ALDH5A1: variants seen among roughly 807,000 people sequenced by gnomAD.
ALDH5A1 encodes succinate-semialdehyde dehydrogenase, mitochondrial.
In ALDH5A1, 33 loss-of-function variants were observed where a neutral mutation model predicts 54.7. The ratio of observed to expected loss-of-function variants is 0.60; its 90% CI spans 0.46 to 0.81. ALDH5A1 has a LOEUF of 0.81. Among genes scored for constraint, ALDH5A1 ranks in the 30% least tolerant of loss-of-function variants. The probability of loss-of-function intolerance (pLI) is 0.00; values close to 1 mark genes in which losing one functional copy is unlikely to be tolerated. For missense variants in ALDH5A1, 657 were observed against 711.0 expected (o/e 0.92, Z 0.86); for synonymous variants, 294 against 292.7 (o/e 1.00, Z -0.05).
intron 7 of ALDH5A1, among the ~76,000 whole-genome samples, chr6:24,525,216 G>A (rs1379084552): frequency 7.9e-5 from 12 of 152,126 alleles, no homozygotes; most frequent in Admixed American, 7.9e-4. Flanking sequence ...GAGGAAGGGG[G>A]TATTTTTGTT....
intron 1 of ALDH5A1, among the ~76,000 whole-genome samples, chr6:24,495,781 GC>G (rs1764691109): frequency 6.6e-6 from 1 of 152,198 alleles, no homozygotes; most frequent in Admixed American, 6.5e-5. Context: ...TGCTTCAGCG[GC>G]CCTTGAGAAG....
chr6:24,501,040 C>A lies in ALDH5A1; in HGVS notation c.355-1483C>A, dbSNP rs1764809524. On this transcript the variant is annotated intron_variant, in intron 1 of 9. Transcript: ENST00000357578. ...TGCTGTGATACCTTAAGCACTAAGG[C>A]AGAGCTAGTAATGCTTTTTTAGTTT... 2.6e-5 allele frequency among the ~76,000 whole-genome samples: 4 copies of A among 152,160 alleles called. 1 individual carries two copies. The highest frequency in any genetic ancestry group is 5.9e-5 in the Non-Finnish European group (4 of 68,034).
At chr6:24,514,833 C>T (rs753623130) in intron 4 of ALDH5A1, among the ~76,000 whole-genome samples, 2 of 151,908 alleles carry the variant, frequency 1.3e-5, no homozygotes, top group African/African-American at 2.4e-5. Context: ...AGTGCAGTGG[C>T]GCAACCTTGG....
At chr6:24,508,499 A>G (rs1581811229) in intron 4 of ALDH5A1, among the ~76,000 whole-genome samples, 1 of 152,048 alleles carries the variant, frequency 6.6e-6, no homozygotes, top group East Asian at 1.9e-4. Flanking sequence ...CACATAGGAT[A>G]CAGTTTATCC....
At chr6:24,511,197 C>T (rs1380639567) in intron 4 of ALDH5A1, among the ~76,000 whole-genome samples, 1 of 152,162 alleles carries the variant, frequency 6.6e-6, no homozygotes, top group African/African-American at 2.4e-5. Context: ...ATCTGCTAAT[C>T]TGATAGGTTT....
chr6:24,532,015 G>A (rs1759945973), intron 8 of ALDH5A1, 104 bp from the exon 9 acceptor site: 2 of 1,082,712 alleles, frequency 1.8e-6, no homozygotes, highest in African/African-American at 1.5e-5. Flanking sequence ...GCAAAACTCT[G>A]ATTTACTCCT....
rs565701506 is a variant in ALDH5A1 at position 24,504,055 on chromosome 6, C to T, written c.609+622C>T. Among the ~76,000 whole-genome samples the T allele has an allele frequency of 2.0e-5, 3 of 152,260 alleles. No homozygotes were observed. In the South Asian group the frequency reaches 6.2e-4, roughly 32 times the overall value. ...CTGGTCTCGAGACGTCTGTGTTTTTCCTGCTCAGCATAGTTACAGACAGAA... is the reference window on the plus strand; with the variant it reads ...CTGGTCTCGAGACGTCTGTGTTTTTTCTGCTCAGCATAGTTACAGACAGAA... On this transcript the variant is annotated intron_variant, in intron 3 of 9. Coordinates refer to ENST00000357578, the MANE Select transcript of ALDH5A1 (RefSeq NM_001080.3).
At chr6:24,505,081 T>A in intron 4 of ALDH5A1, 96 bp downstream of exon 4, 1 of 1,226,470 alleles carries the variant, frequency 8.2e-7, no homozygotes, top group Non-Finnish European at 1.2e-6. Context: ...CCTACTTCTT[T>A]GCTTACGCCT....
intron 4 of ALDH5A1, among the ~76,000 whole-genome samples, chr6:24,506,788 G>A (rs1373091792): frequency 6.6e-6 from 1 of 152,024 alleles, no homozygotes; most frequent in East Asian, 1.9e-4. Context: ...TTGCATAGAT[G>A]GGCTATTTCC....
At position 24,500,428 on chromosome 6, in the gene ALDH5A1, C is replaced by A. The variant is rs141976269; in HGVS notation, c.355-2095C>A. ...GTGAAATAAGCCAGTCACAAAAGGG[C>A]AAATGCTGTATGATTCTACTTAATA... On this transcript the variant is annotated intron_variant, in intron 1 of 9. Transcript: ENST00000357578. Among the ~76,000 whole-genome samples the A allele has an allele frequency of 3.4e-3, 512 of 152,160 alleles. 4 individuals are homozygous for A. Among genetic ancestry groups the A allele is most frequent in the South Asian group, 0.028 (135 of 4,814 alleles).
In ALDH5A1 at chr6:24,502,753, A is replaced by G; in HGVS notation, c.438+147A>G. On this transcript the variant is annotated intron_variant, in intron 2 of 9. Transcript: ENST00000357578. ...TCTACTGATCAAATACCAAATCATT[A>G]TTGTGCCAGGGTACTTAGATTTGCT... The G allele has an allele frequency of 1.7e-5, 12 of 713,466 alleles. 1 individual carries two copies. The highest frequency in any genetic ancestry group is 2.5e-4 in the Middle Eastern group (1 of 4,000). 44.2% of individuals were successfully genotyped at this position (713,466 alleles called of 1,614,324 possible).
chr6:24,506,536 C>G (rs1271981464), intron 4 of ALDH5A1, among the ~76,000 whole-genome samples: 2 of 152,170 alleles, frequency 1.3e-5, no homozygotes, highest in East Asian at 3.9e-4. Flanking sequence ...CAGGCATGAG[C>G]CACCACGCTC....
At chr6:24,510,428 GCTGT>G (rs955712947) in intron 4 of ALDH5A1, among the ~76,000 whole-genome samples, 33 of 152,044 alleles carry the variant, frequency 2.2e-4, no homozygotes, top group African/African-American at 8.0e-4. Flanking sequence ...TTATTGTGTT[GCTGT>G]CTATCTCATT....
chr6:24,498,676 G>T (rs1481546590), intron 1 of ALDH5A1, among the ~76,000 whole-genome samples: 5 of 152,176 alleles, frequency 3.3e-5, no homozygotes, highest in Non-Finnish European at 5.9e-5. Context: ...TGAAAGGAGG[G>T]GTTCAGGCTG....
Position 24,509,712 on chromosome 6 carries a change from TCTC to T in ALDH5A1, c.726+4728_726+4730del, listed in dbSNP as rs1437158861. On this transcript the variant is annotated intron_variant, in intron 4 of 9. Coordinates refer to ENST00000357578, the MANE Select transcript of ALDH5A1 (RefSeq NM_001080.3). This position sits in a 1 kb window ranked among gnomAD's most constrained non-coding sequence, Gnocchi z 4.7. Reference sequence around the variant, plus strand: ...TTGAGATTATTTGGATTTTCTCTCTTCTCTTCTAATGGTCTATCAATTTTATCT... The same window carrying T: ...TTGAGATTATTTGGATTTTCTCTCTTTTCTAATGGTCTATCAATTTTATCT... 6.6e-6 allele frequency among the ~76,000 whole-genome samples: 1 copy of T among 152,098 alleles called. No individual in the cohort carries two copies. Among genetic ancestry groups the T allele is most frequent in the East Asian group, 1.9e-4 (1 of 5,202 alleles).
intron 7 of ALDH5A1, among the ~76,000 whole-genome samples, chr6:24,525,285 G>A (rs764338413): frequency 6.6e-6 from 1 of 152,096 alleles, no homozygotes; most frequent in Non-Finnish European, 1.5e-5. Flanking sequence ...TAGCCGATGG[G>A]GATTAGTTGC....
chr6:24,497,246 C>T (rs1034885096), intron 1 of ALDH5A1, among the ~76,000 whole-genome samples: 3 of 152,128 alleles, frequency 2.0e-5, no homozygotes, highest in South Asian at 2.1e-4. Context: ...TCCAGTGTTC[C>T]GTTTCTGTCC....
chr6:24,508,378 AAAAAAAAAAAGAT>A (rs1177993053), intron 4 of ALDH5A1, among the ~76,000 whole-genome samples: 4 of 52,108 alleles, frequency 7.7e-5, no homozygotes, highest in Non-Finnish European at 1.7e-4. Context: ...AAAAAAAAAA[AAAAAAAAAAAGAT>A]TAATAGTCTC....
chr6:24,504,526 A>G (rs1432074688), intron 3 of ALDH5A1, among the ~76,000 whole-genome samples: 1 of 152,228 alleles, frequency 6.6e-6, no homozygotes, highest in Non-Finnish European at 1.5e-5. Context: ...TGTTTTCACA[A>G]TACAGCTGCA....
Sources: gnomAD v4.1 joint callset for allele counts (sites outside exome capture counted in the v4.1 genomes callset) on GRCh38, gnomAD v4.1.1 for gene constraint, Gnocchi (gnomAD v3.1) non-coding constraint, MANE v1.5 for transcripts, NCBI Gene and HGNC (gene_info 2026-07-23, HGNC 2026-07-21) for gene names.